UNC13A: variants seen among roughly 807,000 people sequenced by gnomAD.
The protein encoded by UNC13A is protein unc-13 homolog A.
Under a neutral mutation model 219.7 loss-of-function variants are expected in UNC13A, and 61 were observed. That is an observed-to-expected ratio of 0.28 (90% CI 0.23 to 0.34). The LOEUF is 0.34. Ranked by LOEUF, UNC13A falls within the 10% of genes least tolerant of loss-of-function variation. UNC13A has a pLI of 1.00. For synonymous variants in UNC13A, 920 were observed against 884.6 expected (o/e 1.04, Z -0.71); for missense variants, 1,476 against 2,270.3 (o/e 0.65, Z 7.11).
chr19:17,672,579 A>G (rs2079811008), intron 3 of UNC13A, 84 bp from the exon 4 acceptor site: 2 of 1,002,556 alleles, frequency 2.0e-6, no homozygotes, highest in South Asian at 1.5e-5. Context: ...GCCTGAGAAC[A>G]CACAGCATAC....
chr19:17,680,223 C>T (rs998158285), intron 1 of UNC13A, among the ~76,000 whole-genome samples: 2 of 152,138 alleles, frequency 1.3e-5, no homozygotes, highest in Admixed American at 1.3e-4. Flanking sequence ...GTCTCTCTCC[C>T]TGTCTTCCCC....
At chr19:17,653,071 TG>T (rs2079379275) in intron 11 of UNC13A, among the ~76,000 whole-genome samples, 1 of 152,096 alleles carries the variant, frequency 6.6e-6, no homozygotes, top group Admixed American at 6.6e-5. Context: ...AGCATAGACG[TG>T]GGGTCCACAG....
At chr19:17,648,397 A>G in intron 16 of UNC13A, 34 bp downstream of exon 16, 1 of 1,264,782 alleles carries the variant, frequency 7.9e-7, no homozygotes, top group Non-Finnish European at 1.0e-6. Flanking sequence ...TCCCCACGCC[A>G]ACCCGTGGCC....
rs1311411820 is a variant in UNC13A at position 17,639,864 on chromosome 19, C to A, written c.2832G>T (p.Leu944=). Residue 944 remains leucine, a synonymous_variant, in exon 23 of 44, where the codon CTG becomes CTT. Transcript: ENST00000519716. ...CCCGGTACATGGAGAGGTCAATCCG[C>A]AGGGAGTTATGCAGCTGGTCCAGGA... ...VKLLDQLHNS[L]RIDLSMYRNN... is the part of the protein sequence containing the mutation. 2.5e-6 allele frequency: 4 copies of A among 1,613,796 alleles called. No homozygotes were observed. In the South Asian group the frequency reaches 3.3e-5, roughly 13 times the overall value.
chr19:17,642,813 T>A, intron 20 of UNC13A, 32 bp downstream of exon 20: 1 of 1,550,476 alleles, frequency 6.4e-7, no homozygotes, highest in Non-Finnish European at 8.8e-7. Flanking sequence ...TGAGTGGAAG[T>A]GGCATGGGAG....
chr19:17,628,128 A>T, intron 31 of UNC13A, 188 bp from the exon 32 acceptor site: 1 of 597,006 alleles, frequency 1.7e-6, no homozygotes, highest in South Asian at 1.9e-5. Context: ...TGGGGCGGGC[A>T]TCTCTGGGGA....
At position 17,649,618 on chromosome 19, in the gene UNC13A, A is replaced by G; in HGVS notation, c.1440-31T>C. On this transcript the variant is annotated intron_variant, in intron 12 of 43. Coordinates refer to ENST00000519716, the MANE Select transcript of UNC13A (RefSeq NM_001080421.3). This position sits in a 1 kb window ranked among gnomAD's most constrained non-coding sequence, Gnocchi z 4.4. ...AGACACAGAGGGACACTGAGGGCCCAGATGTCCCTATTCCTCACATAGAGC... is the reference window on the plus strand; with the variant it reads ...AGACACAGAGGGACACTGAGGGCCCGGATGTCCCTATTCCTCACATAGAGC... 6.2e-7 allele frequency: 1 copy of G among 1,611,482 alleles called. No homozygotes were observed. Among genetic ancestry groups the G allele is most frequent in the Non-Finnish European group, 8.5e-7 (1 of 1,177,754 alleles).
chr19:17,621,256 T>C (rs2076727071), intron 37 of UNC13A, among the ~76,000 whole-genome samples: 1 of 151,922 alleles, frequency 6.6e-6, no homozygotes, highest in African/African-American at 2.4e-5. Flanking sequence ...CATCCACATA[T>C]AGGGTGCCTG....
chr19:17,624,431 C>T (rs1330316828), intron 35 of UNC13A, among the ~76,000 whole-genome samples: 2 of 152,112 alleles, frequency 1.3e-5, no homozygotes, highest in Non-Finnish European at 2.9e-5. Flanking sequence ...ATGTCTATGC[C>T]TTCCGTGGCT....
In UNC13A at chr19:17,633,209, A is replaced by G; in HGVS notation, c.3216-16T>C. Reference sequence around the variant, plus strand: ...CTGGGGAAACCTGGCAAAGTCATGGAAGTATAAAACTTTGGCAGGCAGAAG... The same window carrying G: ...CTGGGGAAACCTGGCAAAGTCATGGGAGTATAAAACTTTGGCAGGCAGAAG... On this transcript the variant is annotated splice_polypyrimidine_tract_variant and intron_variant, in intron 26 of 43. Coordinates refer to ENST00000519716, the MANE Select transcript of UNC13A (RefSeq NM_001080421.3). The G allele has an allele frequency of 6.2e-7, 1 of 1,613,802 alleles. No individual in the cohort carries two copies. The highest frequency in any genetic ancestry group is 8.5e-7 in the Non-Finnish European group (1 of 1,179,746).
chr19:17,643,292 G>GT (rs1287221521), intron 19 of UNC13A, among the ~76,000 whole-genome samples: 1 of 150,988 alleles, frequency 6.6e-6, no homozygotes. Flanking sequence ...AATTACAGGC[G>GT]TGAGTCACCG....
rs2076527553 is a variant in UNC13A at position 17,606,270 on chromosome 19, C to T, written c.4896G>A (p.Thr1632=). ...GCAGCTGCAGCACGGCCAGCCCCAC[C>T]GTGCGGTCCTCGCGCGCGAAGCAGT... ...KDYCFAREDR[T]VGLAVLQLRE... The change falls in exon 44 of 44, where the codon ACG becomes ACA. Residue 1632 remains threonine, a synonymous_variant. Transcript: ENST00000519716. 6.5e-7 allele frequency: 1 copy of T among 1,547,992 alleles called. No homozygotes were observed. The highest frequency in any genetic ancestry group is 1.7e-4 in the Middle Eastern group (1 of 5,906).
At position 17,674,549 on chromosome 19, in the gene UNC13A, C is replaced by T; in HGVS notation, c.152+108G>A. On this transcript the variant is annotated intron_variant, in intron 3 of 43. Transcript: ENST00000519716. This position sits in a 1 kb window ranked among gnomAD's most constrained non-coding sequence, Gnocchi z 5.0. Reference sequence around the variant, plus strand: ...AAGGTGGACAGGGGAAGAGGGAGGACAGAGGGGAGTCACCCGGGATTCCCC... The same window carrying T: ...AAGGTGGACAGGGGAAGAGGGAGGATAGAGGGGAGTCACCCGGGATTCCCC... 2 of 898,600 alleles carry T rather than the reference C, an allele frequency of 2.2e-6. No individual in the cohort carries two copies. The highest frequency in any genetic ancestry group is 3.6e-6 in the Non-Finnish European group (2 of 562,048). 55.7% of individuals were successfully genotyped at this position (898,600 alleles called of 1,614,324 possible).
intron 23 of UNC13A, 107 bp downstream of exon 23, chr19:17,639,733 G>T: frequency 9.0e-6 from 12 of 1,332,432 alleles, no homozygotes; most frequent in African/African-American, 1.4e-5. Context: ...GGAACACATC[G>T]TACATGCGAA....
At chr19:17,612,433 C>T (rs1459975602) in intron 41 of UNC13A, among the ~76,000 whole-genome samples, 2 of 152,184 alleles carry the variant, frequency 1.3e-5, no homozygotes, top group African/African-American at 2.4e-5. Context: ...CATGTCTTTT[C>T]CCTGTATCCT....
At chr19:17,668,290 G>A (rs2079702428) in intron 5 of UNC13A, 100 bp from the exon 6 acceptor site, 1 of 1,171,172 alleles carries the variant, frequency 8.5e-7, no homozygotes, top group South Asian at 1.3e-5. Flanking sequence ...TGGCTTCTGG[G>A]GTCTTTGGCA....
Position 17,606,098 on chromosome 19 carries a change from C to A in UNC13A, c.5068G>T (p.Asp1690Tyr). Residue 1690 changes from aspartate (D) to tyrosine (Y), a missense_variant, in exon 44 of 44, where the codon GAC becomes TAC. This residue lies in a region of UNC13A where 187 missense variants were observed against 172.3 expected (regional missense o/e 1.09). Coordinates refer to ENST00000519716, the MANE Select transcript of UNC13A (RefSeq NM_001080421.3). ...VAKEFVKLKS[D>Y]TRSAEEGGAA... The stretch of plus-strand genomic sequence containing the variant: ...CCGCCCTCCTCGGCGGAGCGCGTGT[C>A]CGACTTGAGCTTCACGAACTCCTTG... 1 of 1,593,134 alleles carries A rather than the reference C, an allele frequency of 6.3e-7. No homozygotes were observed. The highest frequency in any genetic ancestry group is 8.5e-7 in the Non-Finnish European group (1 of 1,172,430).
intron 11 of UNC13A, among the ~76,000 whole-genome samples, chr19:17,654,514 G>A (rs1211785925): frequency 6.6e-6 from 1 of 152,120 alleles, no homozygotes; most frequent in African/African-American, 2.4e-5. Context: ...ATCTCCTCCT[G>A]CCAATCCCAC....
At position 17,603,762 on chromosome 19, in the gene UNC13A, G is replaced by A. The variant is rs1165583182; in HGVS notation, c.*2292C>T. ...TGGGCACTGTGCAACTGGGACAACT[G>A]TACTCAGCAGCCCTAGAGCTCATCT... On this transcript the variant is annotated 3_prime_UTR_variant, in exon 44 of 44. Coordinates refer to ENST00000519716, the MANE Select transcript of UNC13A (RefSeq NM_001080421.3). 6.6e-6 allele frequency: 1 copy of A among 151,206 alleles called. No homozygotes were observed. The highest frequency in any genetic ancestry group is 2.4e-5 in the African/African-American group (1 of 41,050). The allele number at this position is 151,206 out of a possible 1,614,324, so 9.4% of individuals were successfully genotyped here.
Sources: allele counts gnomAD v4.1 joint callset (sites outside exome capture counted in the v4.1 genomes callset), GRCh38; gene constraint gnomAD v4.1.1; regional missense constraint gnomAD v4.1.1; non-coding constraint Gnocchi (gnomAD v3.1); transcripts MANE v1.5; gene names NCBI Gene and HGNC (gene_info 2026-07-23, HGNC 2026-07-21).